LTBR: variants seen among roughly 807,000 people sequenced by gnomAD.
LTBR encodes the protein lymphotoxin beta receptor.
Under a neutral mutation model 45.4 loss-of-function variants are expected in LTBR, and 15 were observed. The observed-to-expected ratio is 0.33, with a 90% CI of 0.22 to 0.51. The LOEUF (loss-of-function observed/expected upper bound fraction) is 0.51. Among genes scored for constraint, LTBR ranks in the 20% least tolerant of loss-of-function variants. The pLI, the probability that LTBR is intolerant of heterozygous loss-of-function variation, is 0.97. For missense variants in LTBR, 450 were observed against 565.5 expected, an observed-to-expected ratio of 0.80 and a Z score of 2.07; for synonymous variants, 228 against 231.0, an observed-to-expected ratio of 0.99 and a Z score of 0.12.
In LTBR at chr12:6,390,173, C is replaced by T; in HGVS notation, c.863C>T (p.Pro288Leu). The change falls in exon 9 of 10, where the codon CCT (proline) becomes CTT (leucine). Residue 288 changes from proline (P) to leucine (L), a missense_variant. Coordinates refer to ENST00000228918, the MANE Select transcript of LTBR (RefSeq NM_002342.3). The stretch of plus-strand genomic sequence containing the variant: ...CCTCCGAAGGCCCATCCATACTTCC[C>T]TGACTTGGTACAGCCACTGCTACCC... ...WEPPKAHPYF[P>L]DLVQPLLPIS... The T allele has an allele frequency of 1.2e-6, 2 of 1,614,150 alleles. No homozygotes were observed. Among genetic ancestry groups the T allele is most frequent in the Non-Finnish European group, 8.5e-7 (1 of 1,180,030 alleles).
rs1364725104 is a variant in LTBR, at chr12:6,386,747, T to A, written c.667+303T>A. ...GGGCTTACCAACATTACACAATCCG[T>A]TTTTTTTTTTCACACAATCCATTAA... On this transcript the variant is annotated intron_variant, in intron 6 of 9. Transcript: ENST00000228918. The surrounding 1 kb of genome is among the most constrained non-coding windows in gnomAD (Gnocchi z 4.1). The A allele has an allele frequency of 3.7e-5, 7 of 189,732 alleles. No homozygotes were observed. The highest frequency in any genetic ancestry group is 6.1e-5 in the Non-Finnish European group (6 of 98,554). The allele number at this position is 189,732 out of a possible 1,614,324, so 11.8% of individuals were successfully genotyped here.
chr12:6,384,571 T>G lies in LTBR; in HGVS notation c.97-17T>G, dbSNP rs1949017098. On this transcript the variant is annotated splice_polypyrimidine_tract_variant and intron_variant, in intron 1 of 9. Transcript: ENST00000228918. ...CCTGACTAATTCTTCTCTCCTCTTC[T>G]CCATCTCCCTTTGAAGGTGCCTCCA... 1.2e-6 allele frequency: 2 copies of G among 1,612,670 alleles called. No homozygotes were observed. The highest frequency in any genetic ancestry group is 2.7e-5 in the African/African-American group (2 of 74,912).
intron 1 of LTBR, chr12:6,377,270 A>G (rs1390239335): frequency 1.3e-6 from 2 of 1,550,594 alleles, no homozygotes. Flanking sequence ...TGCTCATGAT[A>G]CCTCCCCTTG....
Position 6,387,738 on chromosome 12 carries a change from C to T in LTBR, c.668-660C>T, listed in dbSNP as rs372765729. 22 of 342,762 alleles carry T rather than the reference C, an allele frequency of 6.4e-5. No individual in the cohort carries two copies. In the East Asian group the frequency reaches 1.8e-3, roughly 28 times the overall value. 21.2% of individuals were successfully genotyped at this position (342,762 alleles called of 1,614,324 possible). A position where few individuals can be genotyped will look rare whatever the true frequency, so the allele number is the denominator to read the frequency against. On this transcript the variant is annotated intron_variant, in intron 6 of 9. Transcript: ENST00000228918. ...TACCCAGAGAAAGAGAAATTACCCA[C>T]TGCTACAGATCACAGCTGGAGAAGC... is the stretch of plus-strand genomic sequence containing the variant.
At chr12:6,383,980 A>G (rs374164894), upstream of LTBR, 29 of 1,099,098 alleles carry the variant, frequency 2.6e-5, no homozygotes, top group East Asian at 1.1e-3. Flanking sequence ...CGCTCTCCCG[A>G]TCGGGCTTCC....
chr12:6,381,847 C>CCCGTA (rs1488639054), upstream of LTBR, among the ~76,000 whole-genome samples: 1 of 152,172 alleles, frequency 6.6e-6, no homozygotes, highest in African/African-American at 2.4e-5. Context: ...GTGGCAGGCG[C>CCCGTA]CCGTAATCCC....
intron 1 of LTBR, among the ~76,000 whole-genome samples, chr12:6,378,228 T>TA (rs1948940481): frequency 3.6e-5 from 3 of 84,006 alleles, no homozygotes; most frequent in African/African-American, 2.2e-4. Context: ...AATATATAGT[T>TA]CTTTTTTATG....
chr12:6,386,380 A>G lies in LTBR; in HGVS notation c.603A>G (p.Pro201=). 5 of 1,613,788 alleles carry G rather than the reference A, an allele frequency of 3.1e-6. No individual in the cohort carries two copies. The highest frequency in any genetic ancestry group is 3.4e-6 in the Non-Finnish European group (4 of 1,179,910). The part of the protein sequence containing the change: ...CENQGLVEAA[P]GTAQSDTTCK... ...ACCAAGGTCTGGTGGAGGCAGCTCC[A>G]GGCACTGCCCAGTCCGACACAACCT... The change falls in exon 6 of 10, where the codon CCA becomes CCG. Residue 201 remains proline (P), a synonymous_variant. Transcript: ENST00000228918. This position sits in a 1 kb window ranked among gnomAD's most constrained non-coding sequence, Gnocchi z 4.1.
Position 6,390,655 on chromosome 12 carries a change from T to G in LTBR, c.1031-5T>G, listed in dbSNP as rs771677644. The G allele has an allele frequency of 3.3e-6, 5 of 1,500,072 alleles. No homozygotes were observed. Among genetic ancestry groups the G allele is most frequent in the Non-Finnish European group, 4.4e-6 (5 of 1,125,282 alleles). 92.9% of individuals were successfully genotyped at this position (1,500,072 alleles called of 1,614,324 possible). A position where few individuals can be genotyped will look rare whatever the true frequency, so the allele number is the denominator to read the frequency against. On this transcript the variant is annotated splice_polypyrimidine_tract_variant and splice_region_variant and intron_variant, in intron 9 of 9. Coordinates refer to ENST00000228918, the MANE Select transcript of LTBR (RefSeq NM_002342.3). The stretch of plus-strand genomic sequence containing the variant: ...TTCCTCAACACTCTGCCTCCCTTCC[T>G]ACAGGTACCAATGGCATTCATGTCA...
chr12:6,390,083 T>C (rs374803607), intron 8 of LTBR, 29 bp from the exon 9 acceptor site: 29 of 1,497,588 alleles, frequency 1.9e-5, no homozygotes, highest in Non-Finnish European at 2.7e-5. Context: ...GCCCTCATCA[T>C]TGTTTGGGTC....
intron 2 of LTBR, 88 bp from the exon 3 acceptor site, chr12:6,384,934 G>A: frequency 6.5e-7 from 1 of 1,546,150 alleles, no homozygotes; most frequent in South Asian, 1.1e-5. Flanking sequence ...CAGAGAGACC[G>A]AGGGAAAGGC....
At chr12:6,377,536 G>A (rs548925569) in intron 1 of LTBR, 21 of 770,674 alleles carry the variant, frequency 2.7e-5, no homozygotes, top group South Asian at 6.1e-5. Flanking sequence ...CACAGAGCCC[G>A]TGGATTCGTC....
chr12:6,384,988 C>T (rs767398702), intron 2 of LTBR, 34 bp from the exon 3 acceptor site: 1 of 1,613,102 alleles, frequency 6.2e-7, no homozygotes, highest in Non-Finnish European at 8.5e-7. Context: ...GGAGCCTCGT[C>T]TCCTGAGGCT....
Position 6,391,247 on chromosome 12 carries a change from G to C in LTBR, c.*310G>C, listed in dbSNP as rs1949110810. On this transcript the variant is annotated 3_prime_UTR_variant, in exon 10 of 10. Transcript: ENST00000228918. ...CTGCCCACTACGGCACGCCGCACCGGAGCACGGCACCGAGGGAGCCGCCAC... is the reference window on the plus strand; with the variant it reads ...CTGCCCACTACGGCACGCCGCACCGCAGCACGGCACCGAGGGAGCCGCCAC... 1 of 268,078 alleles carries C rather than the reference G, an allele frequency of 3.7e-6. No homozygotes were observed. The highest frequency in any genetic ancestry group is 1.6e-4 in the South Asian group (1 of 6,390). 16.6% of individuals were successfully genotyped at this position (268,078 alleles called of 1,614,324 possible). A position where few individuals can be genotyped will look rare whatever the true frequency, so the allele number is the denominator to read the frequency against.
intron 1 of LTBR, chr12:6,377,764 C>A: frequency 4.5e-6 from 4 of 889,978 alleles, no homozygotes; most frequent in Non-Finnish European, 6.4e-6. Flanking sequence ...TATTTGCCAG[C>A]TCATGCCTGA....
chr12:6,383,398 G>A (rs1257600950), upstream of LTBR, among the ~76,000 whole-genome samples: 1 of 152,164 alleles, frequency 6.6e-6, no homozygotes, highest in African/African-American at 2.4e-5. Flanking sequence ...TGCTTAAGGT[G>A]AGGGGGCTGG....
Position 6,390,906 on chromosome 12 carries a change from G to A in LTBR, c.1277G>A (p.Gly426Asp). 6.3e-7 allele frequency: 1 copy of A among 1,581,158 alleles called. No individual in the cohort carries two copies. Among genetic ancestry groups the A allele is most frequent in the Non-Finnish European group, 8.6e-7 (1 of 1,165,946 alleles). The change falls in exon 10 of 10, where the codon GGC becomes GAC. Residue 426 changes from glycine to aspartate, a missense_variant. Gly to Asp is a moderately conservative substitution (Grantham distance 94, BLOSUM62 -1). Around this residue, in one of 3 missense-constraint regions of LTBR, gnomAD observed 71 missense variants for 90.4 expected, o/e 0.79. Coordinates refer to ENST00000228918, the MANE Select transcript of LTBR (RefSeq NM_002342.3). ...TGTGGTGCCACACCCTCTAACAGGGGCCCAAGGAACCAATTTATCACCCAT... is the reference window on the plus strand; with the variant it reads ...TGTGGTGCCACACCCTCTAACAGGGACCCAAGGAACCAATTTATCACCCAT... ...EHCGATPSNR[G>D]PRNQFITHD
chr12:6,391,127 C>T lies in LTBR; in HGVS notation c.*190C>T, dbSNP rs555649501. ...TACGGTGCCCTCCACAGGACTCTCC[C>T]TACTGCCTGAGCAAACCTGAGGCCT... On this transcript the variant is annotated 3_prime_UTR_variant, in exon 10 of 10. Coordinates refer to ENST00000228918, the MANE Select transcript of LTBR (RefSeq NM_002342.3). 1.7e-5 allele frequency: 9 copies of T among 526,622 alleles called. No homozygotes were observed. In the Admixed American group the frequency reaches 3.0e-4, roughly 17 times the overall value. 32.6% of individuals were successfully genotyped at this position (526,622 alleles called of 1,614,324 possible). A position where few individuals can be genotyped will look rare whatever the true frequency, so the allele number is the denominator to read the frequency against.
Position 6,388,705 on chromosome 12 carries a change from G to A in LTBR, c.776-95G>A. On this transcript the variant is annotated intron_variant, in intron 7 of 9. Coordinates refer to ENST00000228918, the MANE Select transcript of LTBR (RefSeq NM_002342.3). The surrounding 1 kb of genome is among the most constrained non-coding windows in gnomAD (Gnocchi z 4.3). ...GCTTGTTCCTCTGGGCCCCCGGGTGGTCAAGTTGCTACACATTGTGCTGGG... is the reference window on the plus strand; with the variant it reads ...GCTTGTTCCTCTGGGCCCCCGGGTGATCAAGTTGCTACACATTGTGCTGGG... 1 of 1,504,500 alleles carries A rather than the reference G, an allele frequency of 6.6e-7. No individual in the cohort carries two copies. The highest frequency in any genetic ancestry group is 1.1e-5 in the South Asian group (1 of 87,922). The allele number at this position is 1,504,500 out of a possible 1,614,324, so 93.2% of individuals were successfully genotyped here. A position where few individuals can be genotyped will look rare whatever the true frequency, so the allele number is the denominator to read the frequency against.
Sources: gnomAD v4.1 joint callset for allele counts (sites outside exome capture counted in the v4.1 genomes callset) on GRCh38, gnomAD v4.1.1 for gene constraint, gnomAD v4.1.1 regional missense constraint, Gnocchi (gnomAD v3.1) non-coding constraint, MANE v1.5 for transcripts, NCBI Gene and HGNC (gene_info 2026-07-23, HGNC 2026-07-21) for gene names.